The following FAM13C variants were observed in gnomAD, a reference collection of about 807,000 sequenced individuals.
FAM13C encodes protein FAM13C.
A neutral mutation model predicts 73.2 loss-of-function variants in FAM13C; 37 were observed. The ratio of observed to expected loss-of-function variants is 0.51; its 90% CI spans 0.39 to 0.67. The LOEUF (loss-of-function observed/expected upper bound fraction) is 0.67, where lower values mean the gene tolerates loss of function less well. Among genes scored for constraint, FAM13C ranks in the 30% least tolerant of loss-of-function variants. The pLI is 0.00. For synonymous variants in FAM13C, 246 were observed against 260.9 expected (o/e 0.94, Z 0.55); for missense variants, 589 against 715.6 (o/e 0.82, Z 2.02).
At chr10:59,321,431 C>CTTTTTTTTTTTTTTTTTTTTTT (rs1850255076) in intron 4 of FAM13C, among the ~76,000 whole-genome samples, 1 of 109,856 alleles carries the variant, frequency 9.1e-6, no homozygotes, top group Non-Finnish European at 1.9e-5. Flanking sequence ...CCTGCCAACA[C>CTTTTTTTTTTTTTTTTTTTTTT]CTTTTTTTTT....
chr10:59,363,095 T>G (rs1856587661), upstream of FAM13C: 2 of 156,100 alleles, frequency 1.3e-5, no homozygotes, highest in Admixed American at 1.3e-4. Context: ...AAAGCAGGGC[T>G]GGCTGCATCA....
At chr10:59,355,296 C>T (rs1460873236) in intron 2 of FAM13C, among the ~76,000 whole-genome samples, 1 of 152,110 alleles carries the variant, frequency 6.6e-6, no homozygotes, top group Non-Finnish European at 1.5e-5. Context: ...ATTTGTTATC[C>T]AGTAAGTGGA....
upstream of FAM13C, chr10:59,362,560 G>C (rs752888678): frequency 9.7e-6 from 15 of 1,552,156 alleles, no homozygotes; most frequent in Non-Finnish European, 1.3e-5. Context: ...GGGCTCGCCC[G>C]GCACGCTCGC....
intron 12 of FAM13C, among the ~76,000 whole-genome samples, 162 bp downstream of exon 12, chr10:59,252,637 A>G (rs761897860): frequency 6.6e-6 from 1 of 152,158 alleles, no homozygotes; most frequent in Non-Finnish European, 1.5e-5. Flanking sequence ...TTTCTAGTGG[A>G]AAAACTATCT....
rs1293117087 is a variant in FAM13C, at chr10:59,252,944, A to G, written c.1387T>C (p.Leu463=). ...GGAAGGTGAGATGCTGGATCTGCCA[A>G]AGAAGGTTGTTGGCTTCCCTGTGGA... The part of the protein sequence containing the change: ...DRPQGSQQPS[L]ADPASHLPVG... The change falls in exon 12 of 14, where the codon TTG becomes CTG. Residue 463 remains leucine (L), a synonymous_variant. Coordinates refer to ENST00000618804, the MANE Select transcript of FAM13C (RefSeq NM_198215.4). The G allele has an allele frequency of 1.2e-6, 2 of 1,614,102 alleles. No individual in the cohort carries two copies. Among genetic ancestry groups the G allele is most frequent in the Non-Finnish European group, 1.7e-6 (2 of 1,179,994 alleles).
chr10:59,334,314 A>T (rs1852430781), intron 3 of FAM13C, among the ~76,000 whole-genome samples: 1 of 152,206 alleles, frequency 6.6e-6, no homozygotes. Context: ...AAGATATCTA[A>T]AGAGAATAGA....
At position 59,319,107 on chromosome 10, in the gene FAM13C, ACACACACACACATT is replaced by A. The variant is rs541099308; in HGVS notation, c.443+4867_443+4880del. Among the ~76,000 whole-genome samples the A allele has an allele frequency of 9.9e-3, 1,480 of 148,744 alleles. 30 individuals carry two copies. The highest frequency in any genetic ancestry group is 0.037 in the African/African-American group (1,422 of 38,466). On this transcript the variant is annotated intron_variant, in intron 4 of 13. Coordinates refer to ENST00000618804, the MANE Select transcript of FAM13C (RefSeq NM_198215.4). ...CACACACACACACACACACACACAC[ACACACACACACATT>A]GTCTATCTCAAAAACAAAAGATGAA...
chr10:59,348,203 G>A lies in FAM13C; in HGVS notation c.324+4067C>T, dbSNP rs139721018. Among the ~76,000 whole-genome samples the A allele has an allele frequency of 4.5e-3, 680 of 152,290 alleles. 2 individuals carry two copies. The highest frequency in any genetic ancestry group is 0.015 in the African/African-American group (635 of 41,562). ...GGTTATGCCCATAGGGCCTTTATAA[G>A]TGATTTTGGGGAATGATGATCCCAT... On this transcript the variant is annotated intron_variant, in intron 3 of 13. Transcript: ENST00000618804.
At chr10:59,325,442 T>C (rs1850964960) in intron 3 of FAM13C, among the ~76,000 whole-genome samples, 1 of 152,210 alleles carries the variant, frequency 6.6e-6, no homozygotes, top group African/African-American at 2.4e-5. Context: ...CTCTCTTTAA[T>C]TCTTTGAAGC....
intron 4 of FAM13C, among the ~76,000 whole-genome samples, chr10:59,304,798 GGGAAGGGAAGGGAAGGA>G (rs1848025022): frequency 1.9e-5 from 2 of 105,626 alleles, no homozygotes; most frequent in African/African-American, 3.4e-5. Flanking sequence ...GGGAAGGGAA[GGGAAGGGAAGGGAAGGA>G]AAGGGGAAGG....
Position 59,309,138 on chromosome 10 carries a change from G to A in FAM13C, c.444-6274C>T, listed in dbSNP as rs117754791. Among the ~76,000 whole-genome samples, 983 of 152,174 alleles carry A rather than the reference G, an allele frequency of 6.5e-3. 7 individuals carry two copies. The highest frequency in any genetic ancestry group is 9.8e-3 in the Non-Finnish European group (668 of 67,996). ...GGAAGACAACGGACAGCTATCTAAC[G>A]CTTTTCTTTCCCTTAAGCCCAATAA... On this transcript the variant is annotated intron_variant, in intron 4 of 13. Transcript: ENST00000618804.
At chr10:59,260,915 A>T (rs1842442765) in intron 10 of FAM13C, among the ~76,000 whole-genome samples, 1 of 152,174 alleles carries the variant, frequency 6.6e-6, no homozygotes, top group South Asian at 2.1e-4. Context: ...AATCTCAGAG[A>T]ATCAGTTCAC....
At position 59,262,415 on chromosome 10, in the gene FAM13C, A is replaced by T; in HGVS notation, c.1236+19T>A. ...GTGGACTACAGGGGCCCTCTATATAACAAGACATGGTGATGTACCTTAGAA... is the reference window on the plus strand; with the variant it reads ...GTGGACTACAGGGGCCCTCTATATATCAAGACATGGTGATGTACCTTAGAA... On this transcript the variant is annotated intron_variant, in intron 10 of 13. Coordinates refer to ENST00000618804, the MANE Select transcript of FAM13C (RefSeq NM_198215.4). 1 of 1,611,142 alleles carries T rather than the reference A, an allele frequency of 6.2e-7. No individual in the cohort carries two copies.
chr10:59,327,328 CATAAAGTT>C (rs1280830555), intron 3 of FAM13C, among the ~76,000 whole-genome samples: 1 of 152,138 alleles, frequency 6.6e-6, no homozygotes, highest in Admixed American at 6.5e-5. Context: ...GTCATTTATT[CATAAAGTT>C]ATAAAGGAAA....
intron 3 of FAM13C, among the ~76,000 whole-genome samples, chr10:59,341,171 C>G (rs1443948855): frequency 6.6e-6 from 1 of 152,086 alleles, no homozygotes; most frequent in African/African-American, 2.4e-5. Flanking sequence ...CAATTGCTAC[C>G]CCTACCACGC....
intron 13 of FAM13C, among the ~76,000 whole-genome samples, chr10:59,249,408 G>GAAAAAAAA (rs71006241): frequency 2.0e-5 from 2 of 99,156 alleles, no homozygotes; most frequent in African/African-American, 4.1e-5. Context: ...CGTCTCAAAA[G>GAAAAAAAA]AAAAAAAAAA....
chr10:59,333,008 T>C (rs442910), intron 3 of FAM13C, among the ~76,000 whole-genome samples: 47 of 151,628 alleles, frequency 3.1e-4, no homozygotes, highest in East Asian at 2.7e-3. Context: ...TATTTATTTA[T>C]TCATTTATTG....
At chr10:59,343,945 ATTTCTTTTTTTT>A (rs1853867508) in intron 3 of FAM13C, among the ~76,000 whole-genome samples, 1 of 147,518 alleles carries the variant, frequency 6.8e-6, no homozygotes, top group Non-Finnish European at 1.5e-5. Context: ...TCTATAAACT[ATTTCTTTTTTTT>A]TTTCTTTTTT....
In FAM13C at chr10:59,246,848, A is replaced by G. The variant is rs904462244; in HGVS notation, c.*766T>C. ...TAATACTATGGACACATTAGATTATATACTACAGACACATATCTATCCAAA... is the reference window on the plus strand; with the variant it reads ...TAATACTATGGACACATTAGATTATGTACTACAGACACATATCTATCCAAA... On this transcript the variant is annotated 3_prime_UTR_variant, in exon 14 of 14. Coordinates refer to ENST00000618804, the MANE Select transcript of FAM13C (RefSeq NM_198215.4). 1.0e-5 allele frequency: 4 copies of G among 382,382 alleles called. No individual in the cohort carries two copies. The highest frequency in any genetic ancestry group is 8.3e-5 in the African/African-American group (4 of 48,400). The allele number at this position is 382,382 out of a possible 1,614,324, so 23.7% of individuals were successfully genotyped here.
Sources: gnomAD v4.1 joint callset for allele counts (sites outside exome capture counted in the v4.1 genomes callset) on GRCh38, gnomAD v4.1.1 for gene constraint, MANE v1.5 for transcripts, NCBI Gene and HGNC (gene_info 2026-07-23, HGNC 2026-07-21) for gene names.